The following FNDC3B variants were observed in gnomAD, a reference collection of about 807,000 sequenced individuals.
FNDC3B encodes fibronectin type III domain-containing protein 3B.
Under a neutral mutation model 151.5 loss-of-function variants are expected in FNDC3B, and 12 were observed. The observed-to-expected ratio is 0.08, with a 90% CI of 0.05 to 0.13. The LOEUF (loss-of-function observed/expected upper bound fraction) is 0.13, where lower values mean the gene tolerates loss of function less well. FNDC3B is among the 10% of genes least tolerant of loss of function. The probability of loss-of-function intolerance (pLI) is 1.00; values close to 1 mark genes in which losing one functional copy is unlikely to be tolerated. For missense variants in FNDC3B, 1,214 were observed against 1,505.3 expected (o/e 0.81, Z 3.20); for synonymous variants, 528 against 549.0 (o/e 0.96, Z 0.54).
At chr3:172,074,062 G>A (rs1047642936) in intron 1 of FNDC3B, among the ~76,000 whole-genome samples, 2 of 152,174 alleles carry the variant, frequency 1.3e-5, no homozygotes, top group African/African-American at 4.8e-5. Flanking sequence ...CTTTCTCTGA[G>A]TAAGACCTTG....
chr3:172,099,389 T>C (rs1719262053), intron 1 of FNDC3B, among the ~76,000 whole-genome samples: 1 of 152,040 alleles, frequency 6.6e-6, no homozygotes, highest in Admixed American at 6.6e-5. Context: ...AATGGGCTCA[T>C]TGAGCAGTAA....
intron 3 of FNDC3B, among the ~76,000 whole-genome samples, chr3:172,194,456 C>A (rs1417360015): frequency 1.3e-5 from 2 of 152,132 alleles, no homozygotes; most frequent in Admixed American, 6.5e-5. Context: ...ATTTTAAAAT[C>A]CTTCGTACTC....
At chr3:172,274,476 T>C (rs930534377) in intron 6 of FNDC3B, among the ~76,000 whole-genome samples, 3 of 151,968 alleles carry the variant, frequency 2.0e-5, no homozygotes, top group African/African-American at 7.2e-5. Context: ...GATTTGATAC[T>C]GGGTTCTTTT....
intron 3 of FNDC3B, among the ~76,000 whole-genome samples, chr3:172,150,178 T>A (rs1266186984): frequency 2.0e-5 from 3 of 152,144 alleles, no homozygotes; most frequent in African/African-American, 7.2e-5. Context: ...AGCTAGAGAT[T>A]TTTAAAAAAT....
At chr3:172,266,096 G>A (rs1728910971) in intron 6 of FNDC3B, among the ~76,000 whole-genome samples, 1 of 152,170 alleles carries the variant, frequency 6.6e-6, no homozygotes, top group African/African-American at 2.4e-5. Flanking sequence ...TAAAAATTCA[G>A]TAACAAGCCT....
intron 3 of FNDC3B, among the ~76,000 whole-genome samples, chr3:172,224,716 A>C (rs1283074755): frequency 6.7e-6 from 1 of 148,724 alleles, no homozygotes; most frequent in Non-Finnish European, 1.5e-5. Context: ...TTACCAAATA[A>C]AGTGTTGTAT....
chr3:172,175,457 G>A (rs191741518), intron 3 of FNDC3B, among the ~76,000 whole-genome samples: 3 of 152,030 alleles, frequency 2.0e-5, no homozygotes, highest in Non-Finnish European at 4.4e-5. Context: ...TTTCTTTTTT[G>A]TTCTCAACTG....
At chr3:172,307,531 T>A in intron 10 of FNDC3B, 30 bp downstream of exon 10, 1 of 1,612,904 alleles carries the variant, frequency 6.2e-7, no homozygotes, top group Non-Finnish European at 8.5e-7. Context: ...AAGAATCGTC[T>A]CAATTTAAAA....
At chr3:172,390,438 C>T (rs1049828172) in intron 25 of FNDC3B, among the ~76,000 whole-genome samples, 2 of 151,836 alleles carry the variant, frequency 1.3e-5, no homozygotes, top group African/African-American at 4.8e-5. Context: ...TTCCAGTCTA[C>T]AAAGTTAAAG....
intron 5 of FNDC3B, 102 bp downstream of exon 5, chr3:172,247,878 A>G: frequency 7.5e-7 from 1 of 1,331,788 alleles, no homozygotes; most frequent in Non-Finnish European, 1.1e-6. Context: ...CATAGTAGAA[A>G]AGGATCTAGG....
At chr3:172,136,788 C>T (rs1413587283) in intron 3 of FNDC3B, among the ~76,000 whole-genome samples, 5 of 152,066 alleles carry the variant, frequency 3.3e-5, no homozygotes, top group East Asian at 1.9e-4. Context: ...GGCACAATCT[C>T]GGCTCACTGC....
chr3:172,077,731 C>A (rs560832524), intron 1 of FNDC3B, among the ~76,000 whole-genome samples: 7 of 152,038 alleles, frequency 4.6e-5, no homozygotes, highest in East Asian at 1.9e-4. Flanking sequence ...TTTTCCCCCC[C>A]AAAAAAGAAA....
chr3:172,150,587 G>C (rs1402431412), intron 3 of FNDC3B, among the ~76,000 whole-genome samples: 2 of 151,720 alleles, frequency 1.3e-5, no homozygotes, highest in Non-Finnish European at 2.9e-5. Context: ...CTATGCCATT[G>C]GTTTTTAAAT....
intron 11 of FNDC3B, among the ~76,000 whole-genome samples, chr3:172,321,338 C>T (rs2108270896): frequency 6.6e-6 from 1 of 152,324 alleles, no homozygotes; most frequent in South Asian, 2.1e-4. Context: ...GAAGTAACTG[C>T]ATAGCTGTTG....
chr3:172,052,088 CTT>C (rs571140016), intron 1 of FNDC3B, among the ~76,000 whole-genome samples: 26 of 141,652 alleles, frequency 1.8e-4, no homozygotes, highest in Non-Finnish European at 2.2e-4. Context: ...CTGTCTTCTT[CTT>C]TTTTTTTTTT....
chr3:172,273,023 A>G (rs1729274900), intron 6 of FNDC3B, among the ~76,000 whole-genome samples: 1 of 152,134 alleles, frequency 6.6e-6, no homozygotes, highest in African/African-American at 2.4e-5. Flanking sequence ...CTGGACTGTA[A>G]CTCTGGGCAA....
chr3:172,382,543 A>G (rs1393298200), intron 25 of FNDC3B, among the ~76,000 whole-genome samples: 1 of 152,186 alleles, frequency 6.6e-6, no homozygotes, highest in Non-Finnish European at 1.5e-5. Context: ...GTCTTTACCC[A>G]TGCCTATGTT....
rs533995145 is a variant in FNDC3B, at chr3:172,244,788, C to A, written c.265-2745C>A. On this transcript the variant is annotated intron_variant, in intron 4 of 25. Coordinates refer to ENST00000415807, the MANE Select transcript of FNDC3B (RefSeq NM_022763.4). ...TACAGGTCCACGCTGCCACACCCTG[C>A]TAATTTTTTGTATTTTTAGCAGAGA... Among the ~76,000 whole-genome samples, 16 of 152,052 alleles carry A rather than the reference C, an allele frequency of 1.1e-4. No individual in the cohort carries two copies. The East Asian group carries it at 3.1e-3, about 29-fold the overall frequency.
At chr3:172,071,123 AATT>A (rs1269844631) in intron 1 of FNDC3B, among the ~76,000 whole-genome samples, 2 of 152,166 alleles carry the variant, frequency 1.3e-5, no homozygotes, top group Non-Finnish European at 2.9e-5. Context: ...TTTCAGACTT[AATT>A]ATTCAATTAA....
Sources: allele counts gnomAD v4.1 joint callset (sites outside exome capture counted in the v4.1 genomes callset), GRCh38; gene constraint gnomAD v4.1.1; transcripts MANE v1.5; gene names NCBI Gene and HGNC (gene_info 2026-07-23, HGNC 2026-07-21).